GPC6: variants seen among roughly 807,000 people sequenced by gnomAD.
GPC6 encodes glypican-6.
GPC6 carries 14 observed loss-of-function variants against 55.2 expected under a neutral mutation model. The ratio of observed to expected loss-of-function variants is 0.25; its 90% confidence interval spans 0.17 to 0.40. The LOEUF (loss-of-function observed/expected upper bound fraction) is 0.40. Ranked by LOEUF, GPC6 falls within the 10% of genes least tolerant of loss-of-function variation. The probability of loss-of-function intolerance (pLI) is 1.00; values close to 1 mark genes in which losing one functional copy is unlikely to be tolerated. For synonymous variants in GPC6, 278 were observed against 259.6 expected, an observed-to-expected ratio of 1.07 and a Z score of -0.68; for missense variants, 641 against 708.5, an observed-to-expected ratio of 0.90 and a Z score of 1.08.
chr13:94,397,613 C>G (rs1880947438), intron 7 of GPC6, among the ~76,000 whole-genome samples: 1 of 152,154 alleles, frequency 6.6e-6, no homozygotes, highest in African/African-American at 2.4e-5. Context: ...TCCAGAATTT[C>G]TTCTGATTAA....
At chr13:93,315,350 T>C (rs185024164) in intron 1 of GPC6, among the ~76,000 whole-genome samples, 136 of 152,136 alleles carry the variant, frequency 8.9e-4, no homozygotes, top group African/African-American at 3.2e-3. Flanking sequence ...ATAGCTCTGT[T>C]TTCTAGGGAA....
chr13:93,626,619 T>C (rs1879210427), intron 2 of GPC6, among the ~76,000 whole-genome samples: 1 of 152,006 alleles, frequency 6.6e-6, no homozygotes. Flanking sequence ...CTGGCCAATA[T>C]GGTGAAACCC....
chr13:93,873,486 T>C (rs1391572681), intron 3 of GPC6, among the ~76,000 whole-genome samples: 1 of 151,874 alleles, frequency 6.6e-6, no homozygotes, highest in Non-Finnish European at 1.5e-5. Context: ...TTTGACAATA[T>C]CTGGAAGCCT....
chr13:94,305,122 T>G (rs746827738), intron 5 of GPC6, among the ~76,000 whole-genome samples: 1 of 152,220 alleles, frequency 6.6e-6, no homozygotes, highest in Non-Finnish European at 1.5e-5. Flanking sequence ...GAGTAACTAT[T>G]GCAATCCCTA....
At chr13:93,217,114 T>C in the GPC6 span, among the ~76,000 whole-genome samples, 1 of 152,228 alleles carries the variant, frequency 6.6e-6, no homozygotes, top group Non-Finnish European at 1.5e-5. Context: ...AATTCAATGT[T>C]GTGAGGCCCT....
At chr13:93,632,636 T>TAA (rs1555318430) in intron 2 of GPC6, among the ~76,000 whole-genome samples, 77 of 128,288 alleles carry the variant, frequency 6.0e-4, no homozygotes, top group South Asian at 3.6e-3. Context: ...TATATATATA[T>TAA]AATAAAATAA....
chr13:93,390,905 C>A (rs1875605385), intron 1 of GPC6, among the ~76,000 whole-genome samples: 2 of 151,734 alleles, frequency 1.3e-5, no homozygotes, highest in East Asian at 3.9e-4. Context: ...TATATAAACT[C>A]TGTGGAAAGT....
intron 1 of GPC6, among the ~76,000 whole-genome samples, chr13:93,538,109 G>C (rs981681738): frequency 7.2e-5 from 11 of 152,062 alleles, no homozygotes; most frequent in African/African-American, 2.7e-4. Context: ...GGAAACATAA[G>C]CTGGAACTAC....
At chr13:93,823,358 C>A (rs553345392) in intron 2 of GPC6, among the ~76,000 whole-genome samples, 1 of 152,014 alleles carries the variant, frequency 6.6e-6, no homozygotes, top group African/African-American at 2.4e-5. Flanking sequence ...AGAACTGTTT[C>A]TTGTCTATCA....
intron 1 of GPC6, among the ~76,000 whole-genome samples, chr13:93,512,774 T>C (rs942944910): frequency 6.6e-6 from 1 of 152,064 alleles, no homozygotes; most frequent in Non-Finnish European, 1.5e-5. Flanking sequence ...GGATAAAAAT[T>C]TGTAGCTAAA....
chr13:93,741,143 A>G lies in GPC6; in HGVS notation c.320-89011A>G, dbSNP rs527719833. 1.1e-3 allele frequency among the ~76,000 whole-genome samples: 23 copies of G among 21,668 alleles called. 1 individual carries two copies. Among genetic ancestry groups the G allele is most frequent in the African/African-American group, 2.6e-3 (20 of 7,820 alleles). 14.2% of individuals were successfully genotyped at this position (21,668 alleles called of 152,430 possible). On this transcript the variant is annotated intron_variant, in intron 2 of 8. Coordinates refer to ENST00000377047, the MANE Select transcript of GPC6 (RefSeq NM_005708.5). ...TTTTTTTTTTTTTTTTTTTTTTTTG[A>G]GACGAAATCTCCCTCTGTCGCCCAG...
At chr13:93,563,714 T>C (rs1161358848) in intron 2 of GPC6, among the ~76,000 whole-genome samples, 1 of 150,514 alleles carries the variant, frequency 6.6e-6, no homozygotes. Context: ...AAGAAAAACG[T>C]CTGGAGCCTG....
chr13:94,129,828 A>G (rs1378886440), intron 4 of GPC6, among the ~76,000 whole-genome samples: 6 of 152,158 alleles, frequency 3.9e-5, no homozygotes, highest in East Asian at 1.9e-4. Context: ...TTGAAAGGTT[A>G]TGTTGACTCA....
intron 6 of GPC6, among the ~76,000 whole-genome samples, chr13:94,334,916 G>GTGAT (rs1268980479): frequency 1.2e-4 from 19 of 152,160 alleles, no homozygotes; most frequent in African/African-American, 4.3e-4. Context: ...CTAATTGATG[G>GTGAT]TGATTGGGTG....
At chr13:93,670,851 G>C (rs2139626674) in intron 2 of GPC6, among the ~76,000 whole-genome samples, 3 of 152,330 alleles carry the variant, frequency 2.0e-5, no homozygotes, top group Middle Eastern at 6.8e-3. Context: ...GGATGATTGT[G>C]AGATCAATTT....
rs552785929 is a variant in GPC6, at chr13:93,536,873, C to G, written c.161-8390C>G. Among the ~76,000 whole-genome samples, 11 of 152,278 alleles carry G rather than the reference C, an allele frequency of 7.2e-5. No homozygotes were observed. In the South Asian group the frequency reaches 2.3e-3, roughly 32 times the overall value. On this transcript the variant is annotated intron_variant, in intron 1 of 8. Coordinates refer to ENST00000377047, the MANE Select transcript of GPC6 (RefSeq NM_005708.5). ...AAAGGTATAGATTAAAGTTTATATA[C>G]ACACATGCATACCAGTGTTTATACG...
At chr13:93,373,514 G>T (rs989646320) in intron 1 of GPC6, among the ~76,000 whole-genome samples, 5 of 152,178 alleles carry the variant, frequency 3.3e-5, no homozygotes, top group Non-Finnish European at 7.3e-5. Context: ...AGTATAAAGA[G>T]TGACTTTATG....
chr13:93,789,623 A>AATAC (rs1164988438), intron 2 of GPC6, among the ~76,000 whole-genome samples: 5 of 108,298 alleles, frequency 4.6e-5, no homozygotes, highest in Admixed American at 2.8e-4. Context: ...ATATATATAT[A>AATAC]TATATATATA....
intron 4 of GPC6, among the ~76,000 whole-genome samples, chr13:94,261,751 A>G (rs1891664203): frequency 6.6e-6 from 1 of 152,246 alleles, no homozygotes; most frequent in African/African-American, 2.4e-5. Flanking sequence ...AGCACAAGTC[A>G]GTAGCGTCCA....
Sources: allele counts gnomAD v4.1 joint callset (sites outside exome capture counted in the v4.1 genomes callset), GRCh38; gene constraint gnomAD v4.1.1; transcripts MANE v1.5; gene names NCBI Gene and HGNC (gene_info 2026-07-23, HGNC 2026-07-21).